DMXL1: variants seen among roughly 807,000 people sequenced by gnomAD.
The protein encoded by DMXL1 is Dmx like 1.
Under a neutral mutation model 319.2 loss-of-function variants are expected in DMXL1, and 99 were observed. The ratio of observed to expected loss-of-function variants is 0.31; its 90% CI spans 0.26 to 0.37. The LOEUF (loss-of-function observed/expected upper bound fraction) is 0.37. Ranked by LOEUF, DMXL1 falls within the 10% of genes least tolerant of loss-of-function variation. The pLI is 1.00. For synonymous variants in DMXL1, 1,385 were observed against 1,235.2 expected (o/e 1.12, Z -2.54); for missense variants, 3,745 against 3,595.6 (o/e 1.04, Z -1.06).
intron 43 of DMXL1, among the ~76,000 whole-genome samples, chr5:119,245,370 AT>A (rs1789546047): frequency 6.6e-6 from 1 of 152,170 alleles, no homozygotes; most frequent in East Asian, 1.9e-4. Context: ...AAACCAGCAA[AT>A]TGTTTTCATA....
chr5:119,110,170 T>C lies in DMXL1; in HGVS notation c.384T>C (p.Gly128=), dbSNP rs748568077. 22 of 1,596,798 alleles carry C rather than the reference T, an allele frequency of 1.4e-5. No homozygotes were observed. The South Asian group carries it at 2.5e-4, about 18-fold the overall frequency. ...WDPTGSRLLT[G]SSYLQLWSNT... is the part of the protein sequence containing the mutation. ...TTTTAGGCAGTCGTCTTTTAACTGG[T>C]TCCAGCTATTTGCAACTCTGGTCCA... The change falls in exon 5 of 44, where the codon GGT becomes GGC. Residue 128 remains glycine (G), a synonymous_variant. Coordinates refer to ENST00000539542, the MANE Select transcript of DMXL1 (RefSeq NM_001290321.3).
rs540203983 is a variant in DMXL1, at chr5:119,246,913, A to G, written c.8923-82A>G. On this transcript the variant is annotated intron_variant, in intron 43 of 43. Coordinates refer to ENST00000539542, the MANE Select transcript of DMXL1 (RefSeq NM_001290321.3). ...CTCCCAAAGTGCTGGGATTACAGGC[A>G]TGAGCCACCGCACCTGGCCTCATTT... 157 of 1,044,998 alleles carry G rather than the reference A, an allele frequency of 1.5e-4. 1 individual carries two copies. In the East Asian group the frequency reaches 3.6e-3, roughly 24 times the overall value. The allele number at this position is 1,044,998 out of a possible 1,614,324, so 64.7% of individuals were successfully genotyped here. A position where few individuals can be genotyped will look rare whatever the true frequency, so the allele number is the denominator to read the frequency against.
chr5:119,147,546 A>C (rs1286796461), intron 17 of DMXL1, 76 bp downstream of exon 17: 1 of 964,206 alleles, frequency 1.0e-6, no homozygotes, highest in Non-Finnish European at 1.6e-6. Flanking sequence ...TAGGTGCTGC[A>C]ACTATCTCTT....
chr5:119,235,316 A>T, intron 39 of DMXL1, among the ~76,000 whole-genome samples: 1 of 152,276 alleles, frequency 6.6e-6, no homozygotes, highest in East Asian at 1.9e-4. Flanking sequence ...CAACAAGAAC[A>T]TGCTAGCATT....
At chr5:119,235,286 A>C (rs911173382) in intron 39 of DMXL1, among the ~76,000 whole-genome samples, 1 of 152,202 alleles carries the variant, frequency 6.6e-6, no homozygotes, top group African/African-American at 2.4e-5. Flanking sequence ...TCAGAGATTC[A>C]AGAATATATT....
intron 7 of DMXL1, among the ~76,000 whole-genome samples, chr5:119,117,858 A>G (rs1335608001): frequency 6.6e-6 from 1 of 152,246 alleles, no homozygotes; most frequent in East Asian, 1.9e-4. Flanking sequence ...CAAAGTGGCT[A>G]CTAGACAATA....
intron 9 of DMXL1, among the ~76,000 whole-genome samples, chr5:119,123,527 C>T (rs548667481): frequency 6.6e-6 from 1 of 151,954 alleles, no homozygotes; most frequent in African/African-American, 2.4e-5. Flanking sequence ...TTTGTTTGCC[C>T]TTTAAGGCCA....
chr5:119,136,771 G>A (rs1430684007), intron 13 of DMXL1, among the ~76,000 whole-genome samples: 1 of 152,288 alleles, frequency 6.6e-6, no homozygotes, highest in Non-Finnish European at 1.5e-5. Flanking sequence ...TGGGTATGCA[G>A]AAGATGAGAG....
chr5:119,231,981 T>G (rs988837001), intron 38 of DMXL1, among the ~76,000 whole-genome samples: 2 of 152,128 alleles, frequency 1.3e-5, no homozygotes, highest in African/African-American at 4.8e-5. Context: ...TTTTTAAGAT[T>G]TTTTTAAGAG....
chr5:119,241,354 AC>A (rs1454185538), intron 42 of DMXL1, among the ~76,000 whole-genome samples: 1 of 151,730 alleles, frequency 6.6e-6, no homozygotes, highest in Admixed American at 6.6e-5. Context: ...ACACGGTGAA[AC>A]CCCATCTCTA....
At chr5:119,164,372 C>A in intron 19 of DMXL1, 135 bp from the exon 20 acceptor site, 3 of 761,630 alleles carry the variant, frequency 3.9e-6, no homozygotes, top group Non-Finnish European at 4.0e-6. Context: ...CTTAAAAAAG[C>A]CCATATTTCC....
chr5:119,243,333 A>G (rs1165238052), intron 42 of DMXL1, among the ~76,000 whole-genome samples: 1 of 152,186 alleles, frequency 6.6e-6, no homozygotes, highest in Non-Finnish European at 1.5e-5. Flanking sequence ...AGGCAACCCT[A>G]TTAGGTAGGT....
intron 41 of DMXL1, among the ~76,000 whole-genome samples, chr5:119,239,422 C>T (rs1788350505): frequency 6.6e-6 from 1 of 152,164 alleles, no homozygotes; most frequent in African/African-American, 2.4e-5. Flanking sequence ...GATTCTTCAG[C>T]TCGTCTTCCG....
chr5:119,072,694 T>C (rs1749899848), intron 1 of DMXL1, among the ~76,000 whole-genome samples: 1 of 152,234 alleles, frequency 6.6e-6, no homozygotes, highest in South Asian at 2.1e-4. Context: ...TACTCAGCAT[T>C]TAAAATGGTG....
chr5:119,202,636 G>A (rs1377443492), intron 32 of DMXL1, among the ~76,000 whole-genome samples: 3 of 151,844 alleles, frequency 2.0e-5, no homozygotes, highest in Admixed American at 2.0e-4. Flanking sequence ...TGGATCACCT[G>A]AGGTCAGGAG....
At chr5:119,206,059 A>G (rs1468566362) in intron 33 of DMXL1, among the ~76,000 whole-genome samples, 3 of 152,012 alleles carry the variant, frequency 2.0e-5, no homozygotes, top group African/African-American at 7.2e-5. Context: ...GTTTTCTCAG[A>G]TCTTTTCTTT....
chr5:119,097,976 T>A lies in DMXL1; in HGVS notation c.88-3T>A. ...TATCATTTTTATTTATTTATTTTTTTAGGCTTATGCATCTGGATGTGACAT... is the reference window on the plus strand; with the variant it reads ...TATCATTTTTATTTATTTATTTTTTAAGGCTTATGCATCTGGATGTGACAT... On this transcript the variant is annotated splice_region_variant and splice_polypyrimidine_tract_variant and intron_variant, in intron 1 of 43. Coordinates refer to ENST00000539542, the MANE Select transcript of DMXL1 (RefSeq NM_001290321.3). 2 of 1,602,840 alleles carry A rather than the reference T, an allele frequency of 1.2e-6. No homozygotes were observed. The highest frequency in any genetic ancestry group is 2.2e-5 in the South Asian group (2 of 89,014).
intron 32 of DMXL1, among the ~76,000 whole-genome samples, chr5:119,198,370 T>C (rs1037958062): frequency 6.6e-6 from 1 of 152,208 alleles, no homozygotes; most frequent in African/African-American, 2.4e-5. Flanking sequence ...CATTGTAGAA[T>C]AAAAGCAACC....
rs758439314 is a variant in DMXL1 at position 119,244,403 on chromosome 5, C to G, written c.8749C>G (p.Pro2917Ala). ...DSGATVLAYAPKHQLLISGGR... is the reference protein window; with the variant it reads ...DSGATVLAYAAKHQLLISGGR... ...TGGAGCCACAGTTTTAGCATATGCTCCAAAACATCAGCTACTAATATCAGG... is the reference window on the plus strand; with the variant it reads ...TGGAGCCACAGTTTTAGCATATGCTGCAAAACATCAGCTACTAATATCAGG... The change falls in exon 43 of 44, where the codon CCA becomes GCA. Residue 2917 changes from proline to alanine, a missense_variant. Physicochemically the swap from Pro to Ala is conservative, Grantham distance 27. Coordinates refer to ENST00000539542, the MANE Select transcript of DMXL1 (RefSeq NM_001290321.3). The G allele has an allele frequency of 6.2e-7, 1 of 1,613,778 alleles. No homozygotes were observed. Among genetic ancestry groups the G allele is most frequent in the Non-Finnish European group, 8.5e-7 (1 of 1,179,970 alleles).
Sources: allele counts gnomAD v4.1 joint callset (sites outside exome capture counted in the v4.1 genomes callset), GRCh38; gene constraint gnomAD v4.1.1; transcripts MANE v1.5; gene names NCBI Gene and HGNC (gene_info 2026-07-23, HGNC 2026-07-21).